The following FRMPD2 variants were observed in gnomAD, a reference collection of about 807,000 sequenced individuals.
FRMPD2 encodes the protein FERM and PDZ domain-containing protein 2.
FRMPD2 carries 96 observed loss-of-function variants against 140.1 expected under a neutral mutation model. The observed-to-expected ratio is 0.69, with a 90% CI of 0.58 to 0.81. The LOEUF (loss-of-function observed/expected upper bound fraction) is 0.81. Among genes scored for constraint, FRMPD2 ranks in the 40% least tolerant of loss-of-function variants. The pLI is 0.00. For missense variants in FRMPD2, 1,240 were observed against 1,447.4 expected, an observed-to-expected ratio of 0.86 and a Z score of 2.32; for synonymous variants, 449 against 547.6, an observed-to-expected ratio of 0.82 and a Z score of 2.52.
chr10:48,188,647 C>G (rs772967045), intron 16 of FRMPD2, among the ~76,000 whole-genome samples: 1 of 152,136 alleles, frequency 6.6e-6, no homozygotes, highest in African/African-American at 2.4e-5. Context: ...CGACAGGGCG[C>G]TCGTGTGCTC....
chr10:48,238,331 G>A (rs1318421056), intron 7 of FRMPD2, among the ~76,000 whole-genome samples: 1 of 152,140 alleles, frequency 6.6e-6, no homozygotes, highest in Non-Finnish European at 1.5e-5. Flanking sequence ...ACTGGGGTGG[G>A]GTGGGGTTGG....
chr10:48,210,215 C>G (rs1272004967), intron 13 of FRMPD2, among the ~76,000 whole-genome samples: 1 of 152,154 alleles, frequency 6.6e-6, no homozygotes, highest in Non-Finnish European at 1.5e-5. Context: ...TCTAGTTTAT[C>G]TCTCTGTACC....
At chr10:48,221,209 A>C (rs1839578956) in intron 12 of FRMPD2, among the ~76,000 whole-genome samples, 1 of 152,216 alleles carries the variant, frequency 6.6e-6, no homozygotes, top group Non-Finnish European at 1.5e-5. Context: ...TCAATCAATG[A>C]GTGGTATATG....
chr10:48,222,589 C>T (rs1048878151), intron 11 of FRMPD2, 138 bp from the exon 12 acceptor site: 4 of 882,874 alleles, frequency 4.5e-6, no homozygotes, highest in Non-Finnish European at 6.9e-6. Flanking sequence ...AGAGGCAATG[C>T]CAGCAAGACA....
chr10:48,192,409 A>G (rs532875767), intron 16 of FRMPD2, among the ~76,000 whole-genome samples: 7 of 152,042 alleles, frequency 4.6e-5, no homozygotes, highest in Non-Finnish European at 7.4e-5. Context: ...CAACATGGAG[A>G]ATCCCTGTCT....
At chr10:48,182,391 A>T (rs1443966511) in intron 20 of FRMPD2, among the ~76,000 whole-genome samples, 5 of 152,150 alleles carry the variant, frequency 3.3e-5, no homozygotes, top group Non-Finnish European at 7.3e-5. Flanking sequence ...GAGCTGGGAG[A>T]CCTTTTTTGG....
chr10:48,191,819 G>A (rs202247385), intron 16 of FRMPD2, among the ~76,000 whole-genome samples: 1 of 152,138 alleles, frequency 6.6e-6, no homozygotes, highest in East Asian at 1.9e-4. Flanking sequence ...ATGTGAAGTT[G>A]CATTTATAAG....
chr10:48,206,562 A>G (rs529431120), intron 14 of FRMPD2, among the ~76,000 whole-genome samples, 186 bp downstream of exon 14: 1 of 152,316 alleles, frequency 6.6e-6, no homozygotes, highest in African/African-American at 2.4e-5. Flanking sequence ...GGACCTCCCA[A>G]AATCCCTTGG....
At chr10:48,265,104 G>C (rs1461457573) in intron 1 of FRMPD2, among the ~76,000 whole-genome samples, 1 of 152,164 alleles carries the variant, frequency 6.6e-6, no homozygotes, top group East Asian at 1.9e-4. Flanking sequence ...ACAAAAACAA[G>C]CAATGAGGAA....
At chr10:48,240,916 A>G (rs1244305176) in intron 5 of FRMPD2, among the ~76,000 whole-genome samples, 1 of 152,070 alleles carries the variant, frequency 6.6e-6, no homozygotes, top group East Asian at 1.9e-4. Flanking sequence ...GTCTCCCCCA[A>G]CATCTCTGTG....
intron 15 of FRMPD2, among the ~76,000 whole-genome samples, chr10:48,198,990 C>G (rs1044061649): frequency 2.6e-5 from 4 of 152,110 alleles, no homozygotes; most frequent in Non-Finnish European, 5.9e-5. Flanking sequence ...AACGCAGGAA[C>G]AGAAAATCAA....
chr10:48,252,025 T>C (rs1840394990), intron 1 of FRMPD2, among the ~76,000 whole-genome samples: 2 of 152,212 alleles, frequency 1.3e-5, no homozygotes, highest in Admixed American at 6.5e-5. Flanking sequence ...TGCGAGCTGT[T>C]GCAGAGAGTA....
At chr10:48,247,668 TA>T (rs1032630678) in intron 3 of FRMPD2, among the ~76,000 whole-genome samples, 1 of 152,146 alleles carries the variant, frequency 6.6e-6, no homozygotes, top group Non-Finnish European at 1.5e-5. Flanking sequence ...GTGTCCCCCA[TA>T]AGAAGGTAAC....
At chr10:48,221,974 ATGGT>A (rs1448741034) in intron 12 of FRMPD2, among the ~76,000 whole-genome samples, 23 of 115,844 alleles carry the variant, frequency 2.0e-4, no homozygotes, top group African/African-American at 6.9e-4. Flanking sequence ...GGATGGATGG[ATGGT>A]TGGATGGATG....
At chr10:48,224,723 A>G (rs1264053669) in intron 10 of FRMPD2, among the ~76,000 whole-genome samples, 3 of 152,164 alleles carry the variant, frequency 2.0e-5, no homozygotes, top group Non-Finnish European at 4.4e-5. Context: ...CAGGTGTAAA[A>G]TTGTCCATGT....
At chr10:48,247,940 G>A (rs368015810) in intron 3 of FRMPD2, among the ~76,000 whole-genome samples, 2 of 152,154 alleles carry the variant, frequency 1.3e-5, no homozygotes, top group African/African-American at 2.4e-5. Context: ...AGGATTTCAG[G>A]GGGGAGGGGG....
chr10:48,208,007 C>A (rs1377191837), intron 13 of FRMPD2, among the ~76,000 whole-genome samples: 1 of 152,162 alleles, frequency 6.6e-6, no homozygotes, highest in Non-Finnish European at 1.5e-5. Context: ...AACCCTAAGC[C>A]TCCTTCGTTT....
chr10:48,183,129 G>C (rs943683599), intron 20 of FRMPD2, among the ~76,000 whole-genome samples: 1 of 152,242 alleles, frequency 6.6e-6, no homozygotes, highest in African/African-American at 2.4e-5. Context: ...CATGCATGCA[G>C]AAGTGTTCAG....
At position 48,249,195 on chromosome 10, in the gene FRMPD2, G is replaced by A. The variant is rs1489929890; in HGVS notation, c.152-17C>T. ...CCGAGGAATCTGAAACCAAGCCAGT[G>A]ATGGGGCTGTAGAGACAGAGCTTCC... On this transcript the variant is annotated splice_polypyrimidine_tract_variant and intron_variant, in intron 2 of 28. Transcript: ENST00000374201. 2.5e-6 allele frequency: 4 copies of A among 1,612,552 alleles called. No homozygotes were observed. The highest frequency in any genetic ancestry group is 3.4e-6 in the Non-Finnish European group (4 of 1,179,062).
Sources: gnomAD v4.1 joint callset for allele counts (sites outside exome capture counted in the v4.1 genomes callset) on GRCh38, gnomAD v4.1.1 for gene constraint, MANE v1.5 for transcripts, NCBI Gene and HGNC (gene_info 2026-07-23, HGNC 2026-07-21) for gene names.